Variants in EXD1 observed in about 807,000 individuals in gnomAD.
The protein encoded by EXD1 is piRNA biogenesis protein EXD1.
Under a neutral mutation model 49.1 loss-of-function variants are expected in EXD1, and 63 were observed. That is an observed-to-expected ratio of 1.28 (90% confidence interval 1.05 to 1.58). EXD1 has a LOEUF of 1.58. Ranked by LOEUF, EXD1 falls within the 40% of genes most tolerant of loss-of-function variation. The pLI, the probability that EXD1 is intolerant of heterozygous loss-of-function variation, is 0.00. For synonymous variants in EXD1, 234 were observed against 239.2 expected (o/e 0.98, Z 0.20); for missense variants, 748 against 666.0 (o/e 1.12, Z -1.36).
intron 2 of EXD1, among the ~76,000 whole-genome samples, chr15:41,225,749 A>T (rs115691692): frequency 0.028 from 4,240 of 150,546 alleles, 221 homozygotes; most frequent in African/African-American, 0.099. Context: ...TTAGATAGGC[A>T]TGGTGGTGTG....
rs954838593 is a variant in EXD1, at chr15:41,216,681, C to T, written c.375G>A (p.Lys125=). ...APATSLLNDL[K]YSPSEEEEVT... ...CCCTATATTCACCTGATGGGCTGTA[C>T]TTGAGGTCATTCAGCAGAGAGGTAG... The change falls in exon 5 of 12, where the codon AAG becomes AAA. Residue 125 remains lysine, a synonymous_variant. Coordinates refer to ENST00000458580, the MANE Select transcript of EXD1 (RefSeq NM_001286441.2). 1.2e-5 allele frequency: 20 copies of T among 1,612,694 alleles called. No individual in the cohort carries two copies. The African/African-American group carries it at 2.3e-4, about 18-fold the overall frequency.
chr15:41,197,430 T>C (rs2046633713), intron 7 of EXD1, among the ~76,000 whole-genome samples: 1 of 151,494 alleles, frequency 6.6e-6, no homozygotes, highest in Non-Finnish European at 1.5e-5. Context: ...AGACATGAGG[T>C]TTCACTATGT....
At chr15:41,205,475 A>T (rs997195339) in intron 7 of EXD1, among the ~76,000 whole-genome samples, 1 of 152,172 alleles carries the variant, frequency 6.6e-6, no homozygotes, top group Non-Finnish European at 1.5e-5. Flanking sequence ...GCTTAGTCAT[A>T]GGTATAAAGA....
chr15:41,207,031 A>C (rs1199055825), intron 7 of EXD1, among the ~76,000 whole-genome samples: 1 of 132,856 alleles, frequency 7.5e-6, no homozygotes, highest in Non-Finnish European at 1.6e-5. Context: ...TCACGAGGTA[A>C]GGAGTTCGAG....
intron 7 of EXD1, among the ~76,000 whole-genome samples, chr15:41,199,753 A>ATCACACATAATATATCATATATG (rs1566980746): frequency 1.0e-5 from 1 of 96,890 alleles, no homozygotes; most frequent in East Asian, 3.8e-4. Flanking sequence ...TATATTATAT[A>ATCACACATAATATATCATATATG]TGATACATAT....
chr15:41,196,169 C>T (rs143922439), intron 7 of EXD1, 132 bp from the exon 8 acceptor site: 18,029 of 705,700 alleles, frequency 0.026, 297 homozygotes, highest in Non-Finnish European at 0.032. Context: ...TATTTAGAGA[C>T]AAAGTTTCAC....
At chr15:41,217,285 G>A in intron 3 of EXD1, 131 bp from the exon 4 acceptor site, 2 of 686,056 alleles carry the variant, frequency 2.9e-6, no homozygotes, top group Non-Finnish European at 4.9e-6. Context: ...AGTCCACGGA[G>A]GCTTTTACTG....
At chr15:41,196,669 G>T (rs1390879444) in intron 7 of EXD1, among the ~76,000 whole-genome samples, 1 of 151,660 alleles carries the variant, frequency 6.6e-6, no homozygotes, top group Non-Finnish European at 1.5e-5. Context: ...GACCTCAGGT[G>T]ATCTACACAC....
In EXD1 at chr15:41,183,895, G is replaced by A. The variant is rs1055845049; in HGVS notation, c.*36C>T. The A allele has an allele frequency of 1.3e-6, 2 of 1,529,282 alleles. No individual in the cohort carries two copies. The highest frequency in any genetic ancestry group is 1.4e-5 in the African/African-American group (1 of 71,946). 94.7% of individuals were successfully genotyped at this position (1,529,282 alleles called of 1,614,324 possible). ...AAAGCCCTGATGGCAAAGGAAATAA[G>A]CCATCTGTATGGCCTTAAGAACAAA... On this transcript the variant is annotated 3_prime_UTR_variant, in exon 12 of 12. Transcript: ENST00000458580.
chr15:41,198,540 A>G (rs1337643297), intron 7 of EXD1, among the ~76,000 whole-genome samples: 2 of 151,630 alleles, frequency 1.3e-5, no homozygotes, highest in Non-Finnish European at 2.9e-5. Flanking sequence ...AAAATTTAAA[A>G]ATCAGCTGAG....
intron 6 of EXD1, among the ~76,000 whole-genome samples, chr15:41,213,766 G>A (rs927381159): frequency 3.3e-5 from 5 of 152,112 alleles, no homozygotes; most frequent in Non-Finnish European, 7.4e-5. Flanking sequence ...GATAAGGGGT[G>A]TGGGGTTTCT....
At chr15:41,230,431 A>T in intron 1 of EXD1, 48 bp downstream of exon 1, 1 of 1,587,332 alleles carries the variant, frequency 6.3e-7, no homozygotes, top group African/African-American at 1.3e-5. Context: ...AAAATGCAAA[A>T]TTTCTCATTT....
chr15:41,213,732 G>C (rs896852913), intron 6 of EXD1, among the ~76,000 whole-genome samples: 1 of 152,062 alleles, frequency 6.6e-6, no homozygotes, highest in African/African-American at 2.4e-5. Flanking sequence ...GTTGCCAAGG[G>C]CTGAGGAGTG....
At chr15:41,190,162 A>G in intron 10 of EXD1, 34 bp from the exon 11 acceptor site, 2 of 1,608,190 alleles carry the variant, frequency 1.2e-6, no homozygotes, top group Non-Finnish European at 1.7e-6. Flanking sequence ...TCTGAACAGT[A>G]AGCAAGACTT....
rs1343396790 is a variant in EXD1, at chr15:41,207,112, G to A, written c.534+2389C>T. ...AAAAATTACCCGAGCGTGGTGGCGG[G>A]AGCCTGTAGTCCCAGCTACTCGGGA... On this transcript the variant is annotated intron_variant, in intron 7 of 11. Transcript: ENST00000458580. 4.6e-5 allele frequency among the ~76,000 whole-genome samples: 7 copies of A among 151,000 alleles called. No homozygotes were observed. The East Asian group carries it at 6.0e-4, about 13-fold the overall frequency.
intron 11 of EXD1, among the ~76,000 whole-genome samples, chr15:41,188,228 A>T (rs1293538048): frequency 1.3e-5 from 2 of 151,636 alleles, no homozygotes; most frequent in Non-Finnish European, 2.9e-5. Context: ...TTAGCTCATG[A>T]GCTGGAGAAA....
chr15:41,184,471 T>C lies in EXD1; in HGVS notation c.1179A>G (p.Leu393=), dbSNP rs1226855075. The C allele has an allele frequency of 1.2e-6, 2 of 1,614,196 alleles. No individual in the cohort carries two copies. The highest frequency in any genetic ancestry group is 1.7e-5 in the Admixed American group (1 of 60,008). ...TCTCTGTCACTAATTTCTTTGGCTG[T>C]AGCACTGTCCTTATCAGGAGTCCCT... ...NAQGLLIRTV[L]QPKKLVTETA... is the part of the protein sequence containing the mutation. The change falls in exon 12 of 12, where the codon CTA becomes CTG. Residue 393 remains leucine, a synonymous_variant. Transcript: ENST00000458580.
chr15:41,203,926 A>AAAAC (rs1225773464), intron 7 of EXD1, among the ~76,000 whole-genome samples: 16 of 131,100 alleles, frequency 1.2e-4, no homozygotes, highest in Non-Finnish European at 2.5e-4. Flanking sequence ...CAAAAAAAAA[A>AAAAC]AAAAAAAAAA....
intron 9 of EXD1, among the ~76,000 whole-genome samples, chr15:41,192,528 C>A (rs1228150149): frequency 6.7e-6 from 1 of 149,236 alleles, no homozygotes; most frequent in Non-Finnish European, 1.5e-5. Context: ...ATCTCTTGAC[C>A]TCGTGATCCG....
Sources: gnomAD v4.1 joint callset for allele counts (sites outside exome capture counted in the v4.1 genomes callset) on GRCh38, gnomAD v4.1.1 for gene constraint, MANE v1.5 for transcripts, NCBI Gene and HGNC (gene_info 2026-07-23, HGNC 2026-07-21) for gene names.